Variants in EGFLAM observed in about 807,000 individuals in gnomAD.
The protein encoded by EGFLAM is EGF like, fibronectin type III and laminin G domains, also known as pikachurin.
In EGFLAM, 79 loss-of-function variants were observed where a neutral mutation model predicts 113.1. The ratio of observed to expected loss-of-function variants is 0.70; its 90% CI spans 0.58 to 0.84. The LOEUF (loss-of-function observed/expected upper bound fraction) is 0.84, where lower values mean the gene tolerates loss of function less well. EGFLAM is among the 40% of genes least tolerant of loss of function. The pLI, the probability that EGFLAM is intolerant of heterozygous loss-of-function variation, is 0.00. For synonymous variants in EGFLAM, 504 were observed against 487.6 expected (o/e 1.03, Z -0.44); for missense variants, 1,265 against 1,291.6 (o/e 0.98, Z 0.32).
intron 10 of EGFLAM, among the ~76,000 whole-genome samples, chr5:38,411,419 C>G (rs1579891418): frequency 6.6e-6 from 1 of 151,552 alleles, no homozygotes; most frequent in East Asian, 1.9e-4. Context: ...CAGAGCGAGA[C>G]TCTTTCTCAA....
intron 1 of EGFLAM, among the ~76,000 whole-genome samples, chr5:38,286,680 A>G (rs1288782861): frequency 1.3e-5 from 2 of 152,134 alleles, no homozygotes; most frequent in South Asian, 2.1e-4. Flanking sequence ...CAGTAAATTT[A>G]CCTTTTGTAG....
At chr5:38,370,110 C>T (rs147639430) in intron 5 of EGFLAM, among the ~76,000 whole-genome samples, 186 bp from the exon 6 acceptor site, 8 of 152,302 alleles carry the variant, frequency 5.3e-5, no homozygotes, top group East Asian at 1.9e-4. Context: ...TTGTTTTTAT[C>T]GGCAGGGACT....
At chr5:38,298,769 T>G (rs914713082) in intron 1 of EGFLAM, among the ~76,000 whole-genome samples, 11 of 152,106 alleles carry the variant, frequency 7.2e-5, no homozygotes, top group African/African-American at 2.7e-4. Flanking sequence ...GGTGTAATCA[T>G]GGCTCACTGT....
intron 1 of EGFLAM, among the ~76,000 whole-genome samples, chr5:38,326,331 G>A (rs1182409874): frequency 1.3e-5 from 2 of 152,206 alleles, no homozygotes; most frequent in South Asian, 2.1e-4. Flanking sequence ...TCTAGCTGAT[G>A]AGCAGCAACC....
At chr5:38,269,256 A>G (rs753136705) in intron 1 of EGFLAM, among the ~76,000 whole-genome samples, 3 of 152,176 alleles carry the variant, frequency 2.0e-5, no homozygotes, top group Non-Finnish European at 4.4e-5. Context: ...TTTCTAAGGC[A>G]TATCAACTAG....
intron 1 of EGFLAM, among the ~76,000 whole-genome samples, chr5:38,285,201 C>G (rs114996895): frequency 0.018 from 2,771 of 152,248 alleles, 96 homozygotes; most frequent in African/African-American, 0.064. Flanking sequence ...CCTTCAAGCA[C>G]AAACTGCAGC....
chr5:38,462,788 T>G (rs1159428182), intron 20 of EGFLAM, 120 bp from the exon 21 acceptor site: 1 of 1,133,402 alleles, frequency 8.8e-7, no homozygotes, highest in Admixed American at 2.1e-5. Flanking sequence ...GCCCCATCAT[T>G]TAGCACAGTA....
At chr5:38,380,661 AATTTT>A (rs1202020313) in intron 6 of EGFLAM, among the ~76,000 whole-genome samples, 12 of 152,228 alleles carry the variant, frequency 7.9e-5, no homozygotes, top group Non-Finnish European at 1.5e-4. Flanking sequence ...CTTCAGATGT[AATTTT>A]ACATTCAGGG....
At position 38,352,210 on chromosome 5, in the gene EGFLAM, C is replaced by A. The variant is rs771395994; in HGVS notation, c.424C>A (p.Pro142Thr). 1.9e-6 allele frequency: 3 copies of A among 1,614,002 alleles called. No individual in the cohort carries two copies. The highest frequency in any genetic ancestry group is 1.7e-6 in the Non-Finnish European group (2 of 1,180,004). ...ATCCCACCTAGATTCCTGCCTGCCT[C>A]CTGCAGCTCCCCAGCAGCCACATGT... ...TTLSQDSCLP[P>T]AAPQQPHVIV... Residue 142 changes from proline to threonine, a missense_variant, in exon 5 of 22, where the codon CCT becomes ACT. Physicochemically the swap from Pro to Thr is conservative, Grantham distance 38. Transcript: ENST00000322350.
intron 3 of EGFLAM, 92 bp from the exon 4 acceptor site, chr5:38,350,409 G>T: frequency 8.2e-7 from 1 of 1,226,374 alleles, no homozygotes; most frequent in Non-Finnish European, 1.2e-6. Flanking sequence ...CAGTTTCACA[G>T]GGGCCTCGAG....
chr5:38,283,288 G>A (rs1304449193), intron 1 of EGFLAM, among the ~76,000 whole-genome samples: 1 of 152,080 alleles, frequency 6.6e-6, no homozygotes, highest in Non-Finnish European at 1.5e-5. Flanking sequence ...GGGGGAGGGG[G>A]GAAAAGCTTT....
intron 3 of EGFLAM, among the ~76,000 whole-genome samples, chr5:38,347,581 G>A (rs1739506987): frequency 6.6e-6 from 1 of 152,102 alleles, no homozygotes; most frequent in Non-Finnish European, 1.5e-5. Flanking sequence ...TAGGGAGAAG[G>A]ACATTTCATG....
chr5:38,415,289 G>C (rs1243961620), intron 11 of EGFLAM, among the ~76,000 whole-genome samples: 4 of 151,852 alleles, frequency 2.6e-5, no homozygotes, highest in Non-Finnish European at 5.9e-5. Context: ...CCTGAACCTG[G>C]GAGGCAGAGG....
At chr5:38,298,617 T>A (rs1249964735) in intron 1 of EGFLAM, among the ~76,000 whole-genome samples, 2 of 152,212 alleles carry the variant, frequency 1.3e-5, no homozygotes, top group African/African-American at 4.8e-5. Flanking sequence ...TAAATATCAA[T>A]ACAATATGTA....
At chr5:38,448,862 G>C (rs1454881856) in intron 18 of EGFLAM, among the ~76,000 whole-genome samples, 1 of 152,140 alleles carries the variant, frequency 6.6e-6, no homozygotes, top group Admixed American at 6.5e-5. Context: ...CCTACCCTGC[G>C]TCTTCATCAG....
chr5:38,350,984 C>A (rs1739605869), intron 4 of EGFLAM, among the ~76,000 whole-genome samples: 1 of 152,080 alleles, frequency 6.6e-6, no homozygotes, highest in Non-Finnish European at 1.5e-5. Flanking sequence ...GAGAATGCAA[C>A]TAATGTTTAT....
chr5:38,386,743 G>T (rs1740672801), intron 6 of EGFLAM, among the ~76,000 whole-genome samples: 1 of 152,186 alleles, frequency 6.6e-6, no homozygotes, highest in Non-Finnish European at 1.5e-5. Flanking sequence ...TTGACCTTGT[G>T]ATCTGCCCGC....
intron 1 of EGFLAM, among the ~76,000 whole-genome samples, chr5:38,330,096 T>G (rs1292596251): frequency 1.3e-5 from 2 of 152,218 alleles, no homozygotes; most frequent in South Asian, 4.1e-4. Flanking sequence ...TACCTTAGAT[T>G]GGCTTGTTCA....
intron 8 of EGFLAM, 123 bp from the exon 9 acceptor site, chr5:38,407,682 C>T (rs1188227460): frequency 2.8e-5 from 18 of 637,862 alleles, no homozygotes; most frequent in East Asian, 1.7e-4. Context: ...AAGAAGATAG[C>T]GAAGTTGAAT....
Sources: allele counts gnomAD v4.1 joint callset (sites outside exome capture counted in the v4.1 genomes callset), GRCh38; gene constraint gnomAD v4.1.1; transcripts MANE v1.5; gene names NCBI Gene and HGNC (gene_info 2026-07-23, HGNC 2026-07-21).